RBM25: variants seen among roughly 807,000 people sequenced by gnomAD.
RBM25 encodes the protein RNA binding motif protein 25, also known as RNA-binding protein 25.
In RBM25, 19 loss-of-function variants were observed where a neutral mutation model predicts 120.7. That is an observed-to-expected ratio of 0.16 (90% CI 0.11 to 0.23). The LOEUF is 0.23. Ranked by LOEUF, RBM25 falls within the 10% of genes least tolerant of loss-of-function variation. The pLI, the probability that RBM25 is intolerant of heterozygous loss-of-function variation, is 1.00. For missense variants in RBM25, 605 were observed against 1,041.5 expected (o/e 0.58, Z 5.77); for synonymous variants, 390 against 326.7 (o/e 1.19, Z -2.09).
chr14:73,116,519 A>G (rs1896431026), intron 18 of RBM25, among the ~76,000 whole-genome samples: 1 of 152,194 alleles, frequency 6.6e-6, no homozygotes, highest in South Asian at 2.1e-4. Context: ...CATTTAGAAC[A>G]CCTGATAAAA....
intron 1 of RBM25, among the ~76,000 whole-genome samples, 185 bp from the exon 2 acceptor site, chr14:73,071,442 G>T (rs1200844285): frequency 2.6e-5 from 4 of 151,918 alleles, no homozygotes; most frequent in Non-Finnish European, 5.9e-5. Context: ...GTACATTTTG[G>T]AAACTTATTT....
intron 7 of RBM25, among the ~76,000 whole-genome samples, chr14:73,098,198 C>T (rs1042891264): frequency 6.6e-6 from 1 of 152,200 alleles, no homozygotes; most frequent in Non-Finnish European, 1.5e-5. Context: ...GGCGCAATTA[C>T]GGCTCACTGC....
chr14:73,091,782 C>G (rs1267427340), intron 6 of RBM25, among the ~76,000 whole-genome samples: 3 of 151,938 alleles, frequency 2.0e-5, no homozygotes, highest in Non-Finnish European at 4.4e-5. Context: ...GAGGCTGAGA[C>G]AGGAAAATCA....
intron 1 of RBM25, among the ~76,000 whole-genome samples, chr14:73,060,239 A>G (rs1334259396): frequency 6.6e-6 from 1 of 151,126 alleles, no homozygotes; most frequent in Non-Finnish European, 1.5e-5. Context: ...AGGTTTCACT[A>G]TGTTGGCCAG....
chr14:73,122,143 T>G lies in RBM25; in HGVS notation c.*2338T>G, dbSNP rs1896549716. ...CATAAGAAATTTCTATTAAGTTGCT[T>G]GAACTTTGTGGGTTAATTTTACCAT... is the stretch of plus-strand genomic sequence containing the variant. On this transcript the variant is annotated 3_prime_UTR_variant, in exon 19 of 19. Coordinates refer to ENST00000261973, the MANE Select transcript of RBM25 (RefSeq NM_021239.3). The G allele has an allele frequency of 6.6e-6, 1 of 152,236 alleles. No individual in the cohort carries two copies. Among genetic ancestry groups the G allele is most frequent in the African/African-American group, 2.4e-5 (1 of 41,466 alleles). The allele number at this position is 152,236 out of a possible 1,614,324, so 9.4% of individuals were successfully genotyped here.
chr14:73,086,894 A>G (rs899099723), intron 5 of RBM25, among the ~76,000 whole-genome samples: 3 of 151,906 alleles, frequency 2.0e-5, no homozygotes, highest in Admixed American at 2.0e-4. Context: ...TAGTAGAGAG[A>G]GGGTTTCACC....
intron 11 of RBM25, 42 bp downstream of exon 11, chr14:73,106,123 C>G: frequency 6.3e-7 from 1 of 1,589,950 alleles, no homozygotes; most frequent in Non-Finnish European, 8.5e-7. Flanking sequence ...CTTGGTATCC[C>G]TTAATAGGTT....
rs1896530882 is a variant in RBM25, at chr14:73,120,984, T to C, written c.*1179T>C. The C allele has an allele frequency of 6.6e-6, 1 of 152,222 alleles. No individual in the cohort carries two copies. Among genetic ancestry groups the C allele is most frequent in the Non-Finnish European group, 1.5e-5 (1 of 68,032 alleles). The allele number at this position is 152,222 out of a possible 1,614,324, so 9.4% of individuals were successfully genotyped here. A position where few individuals can be genotyped will look rare whatever the true frequency, so the allele number is the denominator to read the frequency against. The stretch of plus-strand genomic sequence containing the variant: ...ACCTTGGCTCATTAGTGTTTAAAAA[T>C]GTACTGATGATGTGCTTAGAGAAAT... On this transcript the variant is annotated 3_prime_UTR_variant, in exon 19 of 19. Coordinates refer to ENST00000261973, the MANE Select transcript of RBM25 (RefSeq NM_021239.3).
chr14:73,095,420 C>T (rs1157290429), intron 6 of RBM25, among the ~76,000 whole-genome samples: 6 of 151,414 alleles, frequency 4.0e-5, no homozygotes, highest in African/African-American at 7.3e-5. Context: ...CTGGCTAACA[C>T]GGTGAAACCC....
At position 73,122,601 on chromosome 14, in the gene RBM25, TCTTGATCTGGCAAAAAAGTA is replaced by T. The variant is rs1896556558; in HGVS notation, c.*2797_*2816del. On this transcript the variant is annotated 3_prime_UTR_variant, in exon 19 of 19. Transcript: ENST00000261973. ...AAAGCGTGAACATCTTAAGAACCAG[TCTTGATCTGGCAAAAAAGTA>T]GTAGAATACTACTTTTCTTTATTTG... The T allele has an allele frequency of 6.6e-6, 1 of 152,168 alleles. No individual in the cohort carries two copies. Among genetic ancestry groups the T allele is most frequent in the Non-Finnish European group, 1.5e-5 (1 of 68,032 alleles). 9.4% of individuals were successfully genotyped at this position (152,168 alleles called of 1,614,324 possible).
intron 6 of RBM25, among the ~76,000 whole-genome samples, chr14:73,096,466 TTTTG>T (rs143209227): frequency 0.024 from 3,685 of 152,260 alleles, 152 homozygotes; most frequent in African/African-American, 0.081. Flanking sequence ...AATCTGATGT[TTTTG>T]TTTGTTTGTT....
At chr14:73,064,937 A>G (rs1026954017) in intron 1 of RBM25, 1 of 151,016 alleles carries the variant, frequency 6.6e-6, no homozygotes, top group African/African-American at 2.4e-5. Context: ...CTTAAATACC[A>G]AGAATATAGA....
At chr14:73,066,520 G>A (rs1895138251) in intron 1 of RBM25, among the ~76,000 whole-genome samples, 1 of 151,806 alleles carries the variant, frequency 6.6e-6, no homozygotes, top group South Asian at 2.1e-4. Context: ...GCCTTGTGGT[G>A]TGCACCTGTA....
chr14:73,087,875 G>T, intron 5 of RBM25, 126 bp from the exon 6 acceptor site: 1 of 856,946 alleles, frequency 1.2e-6, no homozygotes, highest in Non-Finnish European at 1.7e-6. Flanking sequence ...GGTGGACAGG[G>T]GTGGAATTAT....
At chr14:73,076,126 T>G (rs1234003806) in intron 2 of RBM25, among the ~76,000 whole-genome samples, 193 bp from the exon 3 acceptor site, 2 of 152,222 alleles carry the variant, frequency 1.3e-5, no homozygotes, top group Non-Finnish European at 2.9e-5. Flanking sequence ...CAGGATAGTC[T>G]TTTTTGTAAG....
chr14:73,060,718 T>C (rs1894984801), intron 1 of RBM25, among the ~76,000 whole-genome samples: 1 of 151,482 alleles, frequency 6.6e-6, no homozygotes, highest in Non-Finnish European at 1.5e-5. Context: ...TGGTATTGGC[T>C]TTTAACTTTT....
At chr14:73,087,325 T>G (rs886234774) in intron 5 of RBM25, among the ~76,000 whole-genome samples, 2 of 147,062 alleles carry the variant, frequency 1.4e-5, no homozygotes, top group Non-Finnish European at 3.0e-5. Flanking sequence ...TTTGTGTTCC[T>G]GCAGTCTGTT....
chr14:73,110,741 A>T (rs1004018672), intron 14 of RBM25, 90 bp from the exon 15 acceptor site: 11 of 1,470,906 alleles, frequency 7.5e-6, no homozygotes, highest in East Asian at 7.0e-5. Flanking sequence ...TTCTCTTTTC[A>T]TAAAGATATT....
At chr14:73,093,758 C>T (rs1031883140) in intron 6 of RBM25, among the ~76,000 whole-genome samples, 7 of 151,974 alleles carry the variant, frequency 4.6e-5, no homozygotes, top group Admixed American at 2.0e-4. Flanking sequence ...CCACCCGCCT[C>T]GGCCTCCCAA....
Sources: allele counts gnomAD v4.1 joint callset (sites outside exome capture counted in the v4.1 genomes callset), GRCh38; gene constraint gnomAD v4.1.1; transcripts MANE v1.5; gene names NCBI Gene and HGNC (gene_info 2026-07-23, HGNC 2026-07-21).